Variants in NETO2 observed in about 807,000 individuals in gnomAD.
NETO2 encodes neuropilin and tolloid like 2.
NETO2 carries 28 observed loss-of-function variants against 62.5 expected under a neutral mutation model. The observed-to-expected ratio is 0.45, with a 90% CI of 0.33 to 0.61. The LOEUF is 0.61. Among genes scored for constraint, NETO2 ranks in the 20% least tolerant of loss-of-function variants. NETO2 has a pLI of 0.02. For missense variants in NETO2, 548 were observed against 643.2 expected, an observed-to-expected ratio of 0.85 and a Z score of 1.60; for synonymous variants, 214 against 219.1, an observed-to-expected ratio of 0.98 and a Z score of 0.21.
intron 1 of NETO2, among the ~76,000 whole-genome samples, chr16:47,134,413 G>A (rs1044234169): frequency 1.3e-5 from 2 of 152,046 alleles, no homozygotes; most frequent in Non-Finnish European, 2.9e-5. Context: ...CACTGGATCT[G>A]ATTAGAAGAA....
intron 1 of NETO2, among the ~76,000 whole-genome samples, chr16:47,136,893 G>A (rs1301271130): frequency 2.0e-5 from 3 of 151,734 alleles, no homozygotes; most frequent in African/African-American, 7.3e-5. Context: ...GAGGTGAAGA[G>A]CACCTTCATT....
In NETO2 at chr16:47,131,985, C is replaced by T; in HGVS notation, c.75G>A (p.Val25=). ...ITVLVVEGIA[V]AQKTQDGQNI... ...GTACTTTACCTTGGGTTTTTTGGGC[C>T]ACGGCAATCCCTTCCACTACCAGTA... Residue 25 remains valine (V), a synonymous_variant, in exon 2 of 9, where the codon GTG becomes GTA. Coordinates refer to ENST00000562435, the MANE Select transcript of NETO2 (RefSeq NM_018092.5). 6.2e-7 allele frequency: 1 copy of T among 1,612,502 alleles called. No individual in the cohort carries two copies. Among genetic ancestry groups the T allele is most frequent in the Non-Finnish European group, 8.5e-7 (1 of 1,178,920 alleles).
chr16:47,086,178 C>CA (rs1567378461), intron 8 of NETO2, 48 bp downstream of exon 8: 1 of 997,648 alleles, frequency 1.0e-6, no homozygotes, highest in South Asian at 1.3e-5. Flanking sequence ...TAATGAAGGG[C>CA]AATAGCCACT....
chr16:47,141,478 A>T (rs1964460616), intron 1 of NETO2, among the ~76,000 whole-genome samples: 1 of 151,950 alleles, frequency 6.6e-6, no homozygotes, highest in African/African-American at 2.4e-5. Context: ...AAAAACAAAA[A>T]CAAAATCAAG....
At chr16:47,106,072 A>G (rs1963666246) in intron 7 of NETO2, among the ~76,000 whole-genome samples, 1 of 152,236 alleles carries the variant, frequency 6.6e-6, no homozygotes, top group Admixed American at 6.5e-5. Context: ...AATATTATTT[A>G]GCCTTAAAAA....
At position 47,083,445 on chromosome 16, in the gene NETO2, T is replaced by C. The variant is rs767167272; in HGVS notation, c.1354A>G (p.Thr452Ala). The change falls in exon 9 of 9, where the codon ACC becomes GCC. Residue 452 changes from threonine to alanine, a missense_variant. Coordinates refer to ENST00000562435, the MANE Select transcript of NETO2 (RefSeq NM_018092.5). ...GGAAGTTCCATGGAACTGAGGTTGG[T>C]CCTGCTTTGTTTGACGCTGGAGGCC... ...SQASSVKQSRTNLSSMELPFR... is the reference protein window; with the variant it reads ...SQASSVKQSRANLSSMELPFR... The C allele has an allele frequency of 1.9e-6, 3 of 1,614,194 alleles. No homozygotes were observed. The South Asian group carries it at 3.3e-5, about 18-fold the overall frequency.
At chr16:47,132,157 G>C (rs1964279528) in intron 1 of NETO2, 132 bp from the exon 2 acceptor site, 3 of 683,550 alleles carry the variant, frequency 4.4e-6, no homozygotes, top group Middle Eastern at 3.5e-4. Flanking sequence ...TCACTCTCAA[G>C]ATCTTTAAGC....
At position 47,131,940 on chromosome 16, in the gene NETO2, G is replaced by A; in HGVS notation, c.91+29C>T. ...TAAGCCAGTCCATTGTCTTAAACAT[G>A]CAGTAAGTCACCAATGTAAGTACTT... On this transcript the variant is annotated intron_variant, in intron 2 of 8. Coordinates refer to ENST00000562435, the MANE Select transcript of NETO2 (RefSeq NM_018092.5). 4 of 1,584,462 alleles carry A rather than the reference G, an allele frequency of 2.5e-6. No individual in the cohort carries two copies. The East Asian group carries it at 6.7e-5, about 27-fold the overall frequency.
chr16:47,109,971 A>G (rs1963758138), intron 6 of NETO2, among the ~76,000 whole-genome samples: 5 of 152,232 alleles, frequency 3.3e-5, no homozygotes, highest in South Asian at 2.1e-4. Context: ...CTCACAAGGC[A>G]TAACTATCTC....
chr16:47,143,069 G>A (rs903369033), intron 1 of NETO2, among the ~76,000 whole-genome samples: 6 of 151,958 alleles, frequency 3.9e-5, no homozygotes, highest in African/African-American at 1.4e-4. Context: ...GGCTGGCCCA[G>A]CAGGCCCCGT....
At chr16:47,089,160 A>G (rs1963259106) in intron 7 of NETO2, among the ~76,000 whole-genome samples, 1 of 152,148 alleles carries the variant, frequency 6.6e-6, no homozygotes, top group Non-Finnish European at 1.5e-5. Flanking sequence ...TTCACACTAA[A>G]CTGTTAAGCT....
In NETO2 at chr16:47,079,409, C is replaced by A. The variant is rs1368014401; in HGVS notation, c.*3812G>T. On this transcript the variant is annotated 3_prime_UTR_variant, in exon 9 of 9. Coordinates refer to ENST00000562435, the MANE Select transcript of NETO2 (RefSeq NM_018092.5). ...AGGAGATTGAGACTATCCTGGCTAA[C>A]ACGGTGAAACCCCGTCTCTACTAAA... 1 of 151,672 alleles carries A rather than the reference C, an allele frequency of 6.6e-6. No homozygotes were observed. Among genetic ancestry groups the A allele is most frequent in the Non-Finnish European group, 1.5e-5 (1 of 68,028 alleles). 9.4% of individuals were successfully genotyped at this position (151,672 alleles called of 1,614,324 possible).
In NETO2 at chr16:47,130,311, A is replaced by G. The variant is rs570977071; in HGVS notation, c.92-947T>C. On this transcript the variant is annotated intron_variant, in intron 2 of 8. Transcript: ENST00000562435. ...AGATGCAGGAGTTCCCCAGTGTCAG[A>G]TCTGTCAACAGTGAGAGCCAGTAAC... 2.6e-5 allele frequency among the ~76,000 whole-genome samples: 4 copies of G among 152,304 alleles called. No homozygotes were observed. The South Asian group carries it at 8.3e-4, about 32-fold the overall frequency.
intron 6 of NETO2, among the ~76,000 whole-genome samples, chr16:47,118,155 C>T (rs1021452363): frequency 2.6e-5 from 4 of 152,216 alleles, no homozygotes; most frequent in Admixed American, 2.6e-4. Context: ...GTTCTGCAGA[C>T]AATCAACTAA....
intron 7 of NETO2, among the ~76,000 whole-genome samples, chr16:47,100,565 T>G (rs1481535752): frequency 6.6e-6 from 1 of 151,018 alleles, no homozygotes; most frequent in Non-Finnish European, 1.5e-5. Context: ...GTCAGACTAA[T>G]AAAGAAGAAA....
At chr16:47,094,228 AAAAAAAAATT>A (rs1257983386) in intron 7 of NETO2, among the ~76,000 whole-genome samples, 4 of 150,236 alleles carry the variant, frequency 2.7e-5, no homozygotes, top group African/African-American at 7.3e-5. Flanking sequence ...TAAGCAAAAT[AAAAAAAAATT>A]AGGAAGTACT....
chr16:47,134,145 C>G (rs1055742877), intron 1 of NETO2, among the ~76,000 whole-genome samples: 7 of 152,134 alleles, frequency 4.6e-5, no homozygotes, highest in Non-Finnish European at 1.5e-5. Flanking sequence ...TACCACTGTT[C>G]ACTCAATAGC....
At chr16:47,101,540 C>T (rs111755193) in intron 7 of NETO2, among the ~76,000 whole-genome samples, 2 of 152,272 alleles carry the variant, frequency 1.3e-5, no homozygotes, top group African/African-American at 2.4e-5. Context: ...AAAACCCCAT[C>T]GTCTCAGCCC....
At chr16:47,137,207 C>CAA (rs1964375891) in intron 1 of NETO2, among the ~76,000 whole-genome samples, 1 of 152,204 alleles carries the variant, frequency 6.6e-6, no homozygotes, top group Non-Finnish European at 1.5e-5. Flanking sequence ...ATCACTGTGA[C>CAA]CGTGGTCCTC....
Sources: gnomAD v4.1 joint callset for allele counts (sites outside exome capture counted in the v4.1 genomes callset) on GRCh38, gnomAD v4.1.1 for gene constraint, MANE v1.5 for transcripts, NCBI Gene and HGNC (gene_info 2026-07-23, HGNC 2026-07-21) for gene names.